The following EBF1 variants were observed in gnomAD, a reference collection of about 807,000 sequenced individuals.
EBF1 encodes the protein transcription factor COE1.
Under a neutral mutation model 68.4 loss-of-function variants are expected in EBF1, and 10 were observed. The observed-to-expected ratio is 0.15, with a 90% CI of 0.09 to 0.25. The LOEUF is 0.25. Ranked by LOEUF, EBF1 falls within the 10% of genes least tolerant of loss-of-function variation. The pLI is 1.00. For synonymous variants in EBF1, 298 were observed against 299.8 expected (o/e 0.99, Z 0.06); for missense variants, 509 against 794.4 (o/e 0.64, Z 4.32).
chr5:158,925,552 C>T (rs140431973), intron 6 of EBF1, among the ~76,000 whole-genome samples: 1 of 152,334 alleles, frequency 6.6e-6, no homozygotes, highest in African/African-American at 2.4e-5. Context: ...TCTCCTTCCT[C>T]CTTCCACTGG....
At chr5:158,732,029 G>A (rs749614604) in intron 10 of EBF1, among the ~76,000 whole-genome samples, 28 of 152,112 alleles carry the variant, frequency 1.8e-4, no homozygotes, top group Non-Finnish European at 3.5e-4. Context: ...GCTGTCTCAC[G>A]TGAAACAGCG....
Position 159,099,542 on chromosome 5 carries a change from G to GGAAAGAAAA in EBF1, c.-73_-65dup. 1 of 1,253,112 alleles carries GGAAAGAAAA rather than the reference G, an allele frequency of 8.0e-7. No individual in the cohort carries two copies. Among genetic ancestry groups the GGAAAGAAAA allele is most frequent in the Non-Finnish European group, 1.0e-6 (1 of 962,536 alleles). 77.6% of individuals were successfully genotyped at this position (1,253,112 alleles called of 1,614,324 possible). A position where few individuals can be genotyped will look rare whatever the true frequency, so the allele number is the denominator to read the frequency against. On this transcript the variant is annotated 5_prime_UTR_variant, in exon 1 of 16. Transcript: ENST00000313708. Reference sequence around the variant, plus strand: ...GAAAAAAATTAAAAAAAAAAAAAAAGGAAAGAAAAGAAAGAAAAGAAAAGA... The same window carrying GGAAAGAAAA: ...GAAAAAAATTAAAAAAAAAAAAAAAGGAAAGAAAAGAAAGAAAAGAAAGAAAAGAAAAGA...
intron 6 of EBF1, among the ~76,000 whole-genome samples, chr5:158,893,757 G>C (rs1283090556): frequency 6.6e-6 from 1 of 152,174 alleles, no homozygotes; most frequent in Admixed American, 6.5e-5. Flanking sequence ...AGACAGACAA[G>C]AAGAGGCAGG....
chr5:158,822,805 G>A (rs528488248), intron 8 of EBF1, among the ~76,000 whole-genome samples: 1 of 152,310 alleles, frequency 6.6e-6, no homozygotes, highest in African/African-American at 2.4e-5. Flanking sequence ...CACAATTTTA[G>A]TGATACCAAA....
At chr5:158,861,940 T>C (rs1294097511) in intron 6 of EBF1, among the ~76,000 whole-genome samples, 1 of 152,222 alleles carries the variant, frequency 6.6e-6, no homozygotes, top group African/African-American at 2.4e-5. Context: ...ACAAATTTAA[T>C]AACCATATAC....
At chr5:159,019,648 T>A (rs4921530) in intron 6 of EBF1, among the ~76,000 whole-genome samples, 1 of 152,150 alleles carries the variant, frequency 6.6e-6, no homozygotes, top group Non-Finnish European at 1.5e-5. Flanking sequence ...TTTCAAAGAT[T>A]GCAAAGATTC....
chr5:158,707,912 C>T (rs971209332), intron 15 of EBF1, 67 bp downstream of exon 15: 21 of 1,505,702 alleles, frequency 1.4e-5, no homozygotes, highest in African/African-American at 8.3e-5. Context: ...GATGCATCTG[C>T]TTCAGGCCCT....
chr5:159,088,771 G>A (rs190443329), intron 4 of EBF1, among the ~76,000 whole-genome samples: 7 of 152,120 alleles, frequency 4.6e-5, no homozygotes, highest in African/African-American at 1.7e-4. Flanking sequence ...CTGAAGTGAA[G>A]ATGGGATGCC....
intron 6 of EBF1, among the ~76,000 whole-genome samples, chr5:159,059,331 AT>A (rs2127857020): frequency 6.6e-6 from 1 of 152,286 alleles, no homozygotes; most frequent in East Asian, 1.9e-4. Context: ...TTGCAGAAAC[AT>A]TTTTAAGCCA....
intron 10 of EBF1, among the ~76,000 whole-genome samples, chr5:158,760,931 T>G (rs1387764274): frequency 6.6e-6 from 1 of 152,196 alleles, no homozygotes; most frequent in Non-Finnish European, 1.5e-5. Context: ...TACTGACATG[T>G]TTTTTGTTTT....
chr5:159,081,809 T>C (rs908641989), intron 5 of EBF1, among the ~76,000 whole-genome samples: 18 of 152,178 alleles, frequency 1.2e-4, no homozygotes, highest in African/African-American at 4.3e-4. Context: ...TCAAATCTCT[T>C]CTAGAATCGT....
chr5:158,757,860 T>C (rs761659806), intron 10 of EBF1, among the ~76,000 whole-genome samples: 35 of 152,202 alleles, frequency 2.3e-4, no homozygotes, highest in Non-Finnish European at 4.6e-4. Context: ...TTGTTATTTA[T>C]TAATAAGAAT....
chr5:159,058,664 G>T (rs1464147843), intron 6 of EBF1, among the ~76,000 whole-genome samples: 1 of 152,186 alleles, frequency 6.6e-6, no homozygotes, highest in African/African-American at 2.4e-5. Context: ...TTTTCCCAGA[G>T]AATATGAACA....
At chr5:159,054,014 T>C (rs1044442694) in intron 6 of EBF1, among the ~76,000 whole-genome samples, 7 of 152,264 alleles carry the variant, frequency 4.6e-5, no homozygotes. Context: ...CAGTGACCCC[T>C]TGCTGGTCAT....
chr5:158,959,243 G>A (rs902844985), intron 6 of EBF1, among the ~76,000 whole-genome samples: 22 of 150,262 alleles, frequency 1.5e-4, no homozygotes, highest in East Asian at 7.8e-4. Context: ...AAAACAAATC[G>A]AAATAAACTA....
chr5:158,805,732 G>A (rs1048896787), intron 8 of EBF1, among the ~76,000 whole-genome samples: 2 of 151,848 alleles, frequency 1.3e-5, no homozygotes, highest in Non-Finnish European at 2.9e-5. Flanking sequence ...GTTGATGTTT[G>A]CCCACAAAGA....
intron 10 of EBF1, among the ~76,000 whole-genome samples, chr5:158,771,822 G>A (rs1479087830): frequency 6.6e-6 from 1 of 152,130 alleles, no homozygotes. Context: ...GGAGTCCAGA[G>A]CACATAAGCA....
At chr5:158,993,662 T>C (rs1760821860) in intron 6 of EBF1, among the ~76,000 whole-genome samples, 1 of 152,184 alleles carries the variant, frequency 6.6e-6, no homozygotes, top group Non-Finnish European at 1.5e-5. Context: ...ACTCATCCTA[T>C]GAGTTCAAGG....
chr5:159,060,040 A>C (rs1313948373), intron 6 of EBF1, among the ~76,000 whole-genome samples: 1 of 152,236 alleles, frequency 6.6e-6, no homozygotes, highest in Non-Finnish European at 1.5e-5. Flanking sequence ...ATATTAAAAA[A>C]TCAACAGAAT....
Sources: gnomAD v4.1 joint callset for allele counts (sites outside exome capture counted in the v4.1 genomes callset) on GRCh38, gnomAD v4.1.1 for gene constraint, MANE v1.5 for transcripts, NCBI Gene and HGNC (gene_info 2026-07-23, HGNC 2026-07-21) for gene names.